IL1RAPL2: variants seen among roughly 807,000 people sequenced by gnomAD.
The protein encoded by IL1RAPL2 is X-linked interleukin-1 receptor accessory protein-like 2.
In IL1RAPL2, 3 loss-of-function variants were observed where a neutral mutation model predicts 44.1. That is an observed-to-expected ratio of 0.07 (90% CI 0.03 to 0.18). The LOEUF (loss-of-function observed/expected upper bound fraction) is 0.18, where lower values mean the gene tolerates loss of function less well. IL1RAPL2 is among the 10% of genes least tolerant of loss of function. IL1RAPL2 has a pLI of 1.00. For missense variants in IL1RAPL2, 391 were observed against 496.4 expected, an observed-to-expected ratio of 0.79 and a Z score of 2.02; for synonymous variants, 181 against 178.8, an observed-to-expected ratio of 1.01 and a Z score of -0.10.
intron 5 of IL1RAPL2, among the ~76,000 whole-genome samples, chrX:105,272,581 A>C (rs1474454608): frequency 8.9e-6 from 1 of 112,041 alleles, no homozygotes; most frequent in Admixed American, 9.5e-5. Flanking sequence ...CTCTTAACCC[A>C]TTGGCATTTG....
chrX:105,595,275 C>T (rs763897405), intron 6 of IL1RAPL2, among the ~76,000 whole-genome samples: 24 of 111,622 alleles, frequency 2.2e-4, no homozygotes, highest in African/African-American at 6.5e-4. Flanking sequence ...CTAATGTAGA[C>T]GGAAGTTTAT....
intron 5 of IL1RAPL2, among the ~76,000 whole-genome samples, chrX:105,385,967 A>G (rs2035473876): frequency 9.0e-6 from 1 of 111,499 alleles, no homozygotes. Flanking sequence ...TTGAAATACA[A>G]TTCAACCTTA....
At chrX:104,820,609 C>T (rs1245067595) in intron 2 of IL1RAPL2, among the ~76,000 whole-genome samples, 1 of 111,667 alleles carries the variant, frequency 9.0e-6, no homozygotes, top group Non-Finnish European at 1.9e-5. Flanking sequence ...TAACTCAGTA[C>T]AACATTTCTG....
rs774626399 is a variant in IL1RAPL2, at chrX:105,358,037, T to TAAAAAAA, written c.697+90519_697+90525dup. ...GGATGACAGAGCAATATCCTATTTC[T>TAAAAAAA]AAAAAAAAAAAAAAAAAAAAAAAAA... is the stretch of plus-strand genomic sequence containing the variant. On this transcript the variant is annotated intron_variant, in intron 5 of 10. Coordinates refer to ENST00000372582, the MANE Select transcript of IL1RAPL2 (RefSeq NM_017416.2). Among the ~76,000 whole-genome samples the TAAAAAAA allele has an allele frequency of 1.5e-3, 63 of 40,800 alleles. 1 individual carries two copies. Among genetic ancestry groups the TAAAAAAA allele is most frequent in the African/African-American group, 4.5e-3 (61 of 13,554 alleles). 35.4% of individuals were successfully genotyped at this position (40,800 alleles called of 115,157 possible). A position where few individuals can be genotyped will look rare whatever the true frequency, so the allele number is the denominator to read the frequency against.
At chrX:104,743,161 T>C (rs1257724819) in intron 2 of IL1RAPL2, among the ~76,000 whole-genome samples, 1 of 111,046 alleles carries the variant, frequency 9.0e-6, no homozygotes, top group East Asian at 2.9e-4. Context: ...GAGTTGTGTG[T>C]GTGTGTGTTT....
intron 8 of IL1RAPL2, among the ~76,000 whole-genome samples, chrX:105,746,804 C>T (rs2038546759): frequency 9.0e-6 from 1 of 111,157 alleles, no homozygotes; most frequent in Non-Finnish European, 1.9e-5. Context: ...CTTCCCATTC[C>T]ACGACTTTTA....
chrX:105,067,510 A>G (rs779589326), intron 2 of IL1RAPL2, among the ~76,000 whole-genome samples: 5 of 111,618 alleles, frequency 4.5e-5, no homozygotes, highest in Non-Finnish European at 9.4e-5. Flanking sequence ...CACTGTTCCA[A>G]GCATTCTATA....
intron 4 of IL1RAPL2, among the ~76,000 whole-genome samples, chrX:105,242,652 T>A (rs1296071047): frequency 1.8e-5 from 2 of 111,532 alleles, no homozygotes; most frequent in African/African-American, 6.5e-5. Context: ...AGCAAGATTT[T>A]GGTCTAAAAA....
At chrX:105,422,664 G>A (rs1412629287) in intron 5 of IL1RAPL2, among the ~76,000 whole-genome samples, 1 of 111,610 alleles carries the variant, frequency 9.0e-6, no homozygotes, top group Non-Finnish European at 1.9e-5. Context: ...AAGTTTCCTT[G>A]ACTCTGGAAA....
At chrX:105,235,033 G>A (rs1426723483) in intron 4 of IL1RAPL2, among the ~76,000 whole-genome samples, 1 of 110,448 alleles carries the variant, frequency 9.1e-6, no homozygotes, top group African/African-American at 3.3e-5. Context: ...GGAGTGGGTA[G>A]GATAAATACC....
chrX:105,658,423 G>A (rs985375641), intron 6 of IL1RAPL2, among the ~76,000 whole-genome samples: 1 of 112,215 alleles, frequency 8.9e-6, no homozygotes, highest in Non-Finnish European at 1.9e-5. Context: ...TCCTTTAAAT[G>A]CCTGGAAAGC....
chrX:105,478,647 G>C (rs1005922913), intron 5 of IL1RAPL2, among the ~76,000 whole-genome samples: 1 of 111,438 alleles, frequency 9.0e-6, no homozygotes, highest in Admixed American at 9.6e-5. Context: ...GACCTCGCCT[G>C]GTTTCTTTTC....
chrX:104,732,637 A>G (rs1931941337), intron 2 of IL1RAPL2, among the ~76,000 whole-genome samples: 1 of 111,963 alleles, frequency 8.9e-6, no homozygotes, highest in Non-Finnish European at 1.9e-5. Context: ...ATAGTCAAAA[A>G]TCTACATACA....
At chrX:105,623,731 C>T (rs2037435507) in intron 6 of IL1RAPL2, among the ~76,000 whole-genome samples, 1 of 111,372 alleles carries the variant, frequency 9.0e-6, no homozygotes, top group Non-Finnish European at 1.9e-5. Flanking sequence ...ATTCATTTAT[C>T]CAACATTTAT....
At chrX:105,570,366 G>A (rs995054207) in intron 6 of IL1RAPL2, among the ~76,000 whole-genome samples, 6 of 111,933 alleles carry the variant, frequency 5.4e-5, no homozygotes, top group Non-Finnish European at 1.1e-4. Flanking sequence ...CACTTAGGTT[G>A]GTCCATATTT....
At chrX:105,699,294 G>A (rs1435096777) in intron 6 of IL1RAPL2, among the ~76,000 whole-genome samples, 2 of 111,014 alleles carry the variant, frequency 1.8e-5, no homozygotes, top group Non-Finnish European at 1.9e-5. Context: ...AATATTCCTA[G>A]ACAAATTATA....
intron 1 of IL1RAPL2, among the ~76,000 whole-genome samples, chrX:104,607,994 G>C (rs1248899471): frequency 1.8e-5 from 2 of 111,887 alleles, no homozygotes; most frequent in Non-Finnish European, 3.8e-5. Flanking sequence ...GTCCATCAAT[G>C]ATAGACTGGA....
chrX:104,632,881 A>G (rs1453195762), intron 1 of IL1RAPL2, among the ~76,000 whole-genome samples: 2 of 110,851 alleles, frequency 1.8e-5, no homozygotes, highest in East Asian at 5.7e-4. Flanking sequence ...CACTATGTTG[A>G]ATAGGAGTGT....
At chrX:105,507,863 A>G (rs1044740066) in intron 6 of IL1RAPL2, among the ~76,000 whole-genome samples, 3 of 112,287 alleles carry the variant, frequency 2.7e-5, no homozygotes, top group African/African-American at 6.5e-5. Context: ...GTTAAAAATC[A>G]TTACCTATTT....
Sources: gnomAD v4.1 joint callset for allele counts (sites outside exome capture counted in the v4.1 genomes callset) on GRCh38, gnomAD v4.1.1 for gene constraint, MANE v1.5 for transcripts, NCBI Gene and HGNC (gene_info 2026-07-23, HGNC 2026-07-21) for gene names.